Variants in SGCD observed in about 807,000 individuals in gnomAD.
The protein encoded by SGCD is delta-sarcoglycan.
Under a neutral mutation model 36.6 loss-of-function variants are expected in SGCD, and 18 were observed. That is an observed-to-expected ratio of 0.49 (90% CI 0.34 to 0.73). The LOEUF (loss-of-function observed/expected upper bound fraction) is 0.73. Ranked by LOEUF, SGCD falls within the 30% of genes least tolerant of loss-of-function variation. SGCD has a pLI of 0.01. For missense variants in SGCD, 387 were observed against 346.7 expected (o/e 1.12, Z -0.92); for synonymous variants, 133 against 130.6 (o/e 1.02, Z -0.12).
chr5:156,170,552 G>A (rs1307898872), intron 3 of SGCD, among the ~76,000 whole-genome samples: 2 of 152,136 alleles, frequency 1.3e-5, no homozygotes, highest in African/African-American at 2.4e-5. Context: ...GGGAGCAAGT[G>A]CTTTTGTGAT....
the SGCD span, among the ~76,000 whole-genome samples, chr5:155,828,900 T>C: frequency 7.2e-5 from 11 of 152,224 alleles, no homozygotes; most frequent in African/African-American, 2.6e-4. Flanking sequence ...TTGGTCAGGC[T>C]AGTCTGAAAC....
the SGCD span, among the ~76,000 whole-genome samples, chr5:155,858,405 C>A: frequency 6.6e-6 from 1 of 152,154 alleles, no homozygotes; most frequent in African/African-American, 2.4e-5. Context: ...TGTCAATTAT[C>A]ACTCAGAAAA....
chr5:156,077,391 G>A (rs993711530), intron 1 of SGCD, among the ~76,000 whole-genome samples: 7 of 152,108 alleles, frequency 4.6e-5, no homozygotes, highest in Non-Finnish European at 7.4e-5. Context: ...ATGGAAGGAC[G>A]ATTGAGCAAC....
chr5:156,589,256 C>T lies in SGCD; in HGVS notation c.320C>T (p.Ala107Val). 1 of 1,572,148 alleles carries T rather than the reference C, an allele frequency of 6.4e-7. No homozygotes were observed. The highest frequency in any genetic ancestry group is 1.2e-5 in the South Asian group (1 of 85,514). Residue 107 changes from alanine (A) to valine (V), a missense_variant, in exon 5 of 9, where the codon GCC (alanine) becomes GTC (valine). Ala to Val is a moderately conservative substitution (Grantham distance 64). Coordinates refer to ENST00000337851, the MANE Select transcript of SGCD (RefSeq NM_000337.6). ...RPGNALYFKS[A>V]RNVTVNILND... ...GGTAATGCCCTGTACTTCAAGTCTG[C>T]CAGAAATGTTACAGTGAACATTCTC...
At chr5:156,224,337 T>G (rs1159269333) in intron 3 of SGCD, among the ~76,000 whole-genome samples, 1 of 152,040 alleles carries the variant, frequency 6.6e-6, no homozygotes, top group Non-Finnish European at 1.5e-5. Context: ...AACAAAACCA[T>G]TATTCCTCAG....
At chr5:156,088,650 C>A (rs981611765) in intron 1 of SGCD, among the ~76,000 whole-genome samples, 8 of 152,038 alleles carry the variant, frequency 5.3e-5, no homozygotes, top group Admixed American at 2.6e-4. Context: ...CAGATGTGCA[C>A]TGCTATACTC....
chr5:155,938,985 T>C (rs978394189), intron 1 of SGCD, among the ~76,000 whole-genome samples: 2 of 152,198 alleles, frequency 1.3e-5, no homozygotes, highest in Non-Finnish European at 2.9e-5. Context: ...GCTGCACTAA[T>C]AGCCAACCAT....
intron 7 of SGCD, among the ~76,000 whole-genome samples, chr5:156,727,393 G>A (rs1755832464): frequency 6.6e-6 from 1 of 152,160 alleles, no homozygotes; most frequent in Admixed American, 6.5e-5. Context: ...AAGTTCAGAA[G>A]CCCAACTAAA....
At chr5:156,348,677 C>G (rs1219712957) in intron 3 of SGCD, among the ~76,000 whole-genome samples, 2 of 152,044 alleles carry the variant, frequency 1.3e-5, no homozygotes, top group African/African-American at 2.4e-5. Flanking sequence ...ACCATAGTGC[C>G]CAAAGCAATC....
intron 3 of SGCD, among the ~76,000 whole-genome samples, chr5:156,313,382 T>G (rs1278776559): frequency 6.6e-6 from 1 of 152,140 alleles, no homozygotes; most frequent in Non-Finnish European, 1.5e-5. Context: ...TTTTTTCTGC[T>G]TTTTCTCTGG....
intron 3 of SGCD, among the ~76,000 whole-genome samples, chr5:156,481,950 C>T (rs1343662269): frequency 6.6e-6 from 1 of 152,190 alleles, no homozygotes; most frequent in Non-Finnish European, 1.5e-5. Flanking sequence ...TCAGGGACAA[C>T]TGTAGACAGT....
chr5:155,934,394 T>C (rs1757157916), intron 1 of SGCD, among the ~76,000 whole-genome samples: 1 of 152,226 alleles, frequency 6.6e-6, no homozygotes, highest in Admixed American at 6.5e-5. Flanking sequence ...TGCGTAGCAC[T>C]GAACTATGCA....
At chr5:156,181,956 C>G (rs867650687) in intron 3 of SGCD, among the ~76,000 whole-genome samples, 1 of 152,180 alleles carries the variant, frequency 6.6e-6, no homozygotes, top group African/African-American at 2.4e-5. Context: ...GGAGTCTTCT[C>G]TAAATCATAT....
intron 3 of SGCD, among the ~76,000 whole-genome samples, chr5:156,350,846 T>G (rs1417564771): frequency 3.9e-5 from 6 of 152,154 alleles, no homozygotes; most frequent in Admixed American, 3.9e-4. Context: ...CTCTACAAAT[T>G]TAATATTGTT....
chr5:156,231,774 T>C (rs1183529479), intron 3 of SGCD, among the ~76,000 whole-genome samples: 1 of 152,170 alleles, frequency 6.6e-6, no homozygotes, highest in African/African-American at 2.4e-5. Context: ...TCGTTTTCTT[T>C]GGTGGGAGTA....
Position 156,129,975 on chromosome 5 carries a change from G to T in SGCD, c.-44+5956G>T, listed in dbSNP as rs550212377. ...TTCATGCACATGTGTCTTTATGGTA[G>T]AATTATTTATATTCCTCTAGGTATA... On this transcript the variant is annotated intron_variant, in intron 3 of 9. Transcript: ENST00000517913. Among the ~76,000 whole-genome samples the T allele has an allele frequency of 4.6e-5, 7 of 152,270 alleles. No individual in the cohort carries two copies. In the South Asian group the frequency reaches 1.5e-3, roughly 32 times the overall value.
intron 1 of SGCD, among the ~76,000 whole-genome samples, chr5:156,060,633 T>C (rs1417226867): frequency 6.9e-6 from 1 of 145,800 alleles, no homozygotes; most frequent in East Asian, 1.9e-4. Flanking sequence ...TGTTGTTTTG[T>C]TGCATAGAAA....
At chr5:155,822,971 C>A in the SGCD span, among the ~76,000 whole-genome samples, 5 of 151,808 alleles carry the variant, frequency 3.3e-5, no homozygotes, top group Non-Finnish European at 7.4e-5. Context: ...GACAAAGAAC[C>A]AATACAGGAT....
intron 1 of SGCD, among the ~76,000 whole-genome samples, chr5:156,006,779 C>A (rs189601370): frequency 6.6e-6 from 1 of 152,126 alleles, no homozygotes; most frequent in Admixed American, 6.5e-5. Context: ...TTAAATACTT[C>A]CCCAGTTAAA....
Sources: allele counts gnomAD v4.1 joint callset (sites outside exome capture counted in the v4.1 genomes callset), GRCh38; gene constraint gnomAD v4.1.1; transcripts MANE v1.5; gene names NCBI Gene and HGNC (gene_info 2026-07-23, HGNC 2026-07-21).